Variants in NR3C2 observed in about 807,000 individuals in gnomAD.
NR3C2 encodes the protein nuclear receptor subfamily 3 group C member 2.
NR3C2 carries 15 observed loss-of-function variants against 86.4 expected under a neutral mutation model. That is an observed-to-expected ratio of 0.17 (90% confidence interval 0.12 to 0.27). NR3C2 has a LOEUF of 0.27. Among genes scored for constraint, NR3C2 ranks in the 10% least tolerant of loss-of-function variants. The pLI is 1.00. For synonymous variants in NR3C2, 458 were observed against 450.5 expected (o/e 1.02, Z -0.21); for missense variants, 960 against 1,195.6 (o/e 0.80, Z 2.91).
At chr4:148,107,930 G>A (rs920651510) in intron 8 of NR3C2, among the ~76,000 whole-genome samples, 1 of 152,080 alleles carries the variant, frequency 6.6e-6, no homozygotes, top group Non-Finnish European at 1.5e-5. Context: ...GGGTTGATAG[G>A]TGCAGCAAAC....
intron 3 of NR3C2, among the ~76,000 whole-genome samples, chr4:148,216,926 C>A (rs988120183): frequency 1.3e-5 from 2 of 152,138 alleles, no homozygotes; most frequent in Admixed American, 1.3e-4. Context: ...AGATGGTGGC[C>A]AAAGTCTTTT....
At chr4:148,153,739 A>C (rs1354311866) in intron 5 of NR3C2, among the ~76,000 whole-genome samples, 1 of 152,080 alleles carries the variant, frequency 6.6e-6, no homozygotes, top group Non-Finnish European at 1.5e-5. Flanking sequence ...AAAAAAAATG[A>C]CTAAAATAGG....
At chr4:148,210,120 G>A (rs71616581) in intron 3 of NR3C2, among the ~76,000 whole-genome samples, 2,670 of 152,216 alleles carry the variant, frequency 0.018, 37 homozygotes, top group Non-Finnish European at 0.026. Context: ...TTTTGCTAAT[G>A]AGAATAAAGG....
chr4:148,239,299 C>T (rs1201553749), intron 3 of NR3C2, among the ~76,000 whole-genome samples: 2 of 152,156 alleles, frequency 1.3e-5, no homozygotes, highest in South Asian at 2.1e-4. Flanking sequence ...TCTCTTAAGG[C>T]CAGGGTCCCA....
At chr4:148,188,334 C>T (rs1736034742) in intron 4 of NR3C2, among the ~76,000 whole-genome samples, 1 of 152,130 alleles carries the variant, frequency 6.6e-6, no homozygotes, top group Admixed American at 6.5e-5. Context: ...AATATTGATT[C>T]TACCCAACCA....
At chr4:148,155,130 G>A (rs1734303364) in intron 4 of NR3C2, among the ~76,000 whole-genome samples, 1 of 152,056 alleles carries the variant, frequency 6.6e-6, no homozygotes, top group South Asian at 2.1e-4. Context: ...AGTCTTCACT[G>A]CCTGTCTCCT....
In NR3C2 at chr4:148,363,504, C is replaced by CTTTTTTTTTTTTTTTTTTTTTTTTTTT. The variant is rs1375693723; in HGVS notation, c.1757+71599_1757+71600insAAAAAAAAAAAAAAAAAAAAAAAAAAA. On this transcript the variant is annotated intron_variant, in intron 2 of 8. Coordinates refer to ENST00000358102, the MANE Select transcript of NR3C2 (RefSeq NM_000901.5). The stretch of plus-strand genomic sequence containing the variant: ...ATTAAAGTCTAGACTTCTCATAGAT[C>CTTTTTTTTTTTTTTTTTTTTTTTTTTT]TCTTTTTTTTTTTTTTTGAGACGGA... 2.3e-3 allele frequency among the ~76,000 whole-genome samples: 161 copies of CTTTTTTTTTTTTTTTTTTTTTTTTTTT among 69,672 alleles called. 47 individuals are homozygous for CTTTTTTTTTTTTTTTTTTTTTTTTTTT. Among genetic ancestry groups the CTTTTTTTTTTTTTTTTTTTTTTTTTTT allele is most frequent in the East Asian group, 7.1e-3 (11 of 1,550 alleles). 45.7% of individuals were successfully genotyped at this position (69,672 alleles called of 152,430 possible). A position where few individuals can be genotyped will look rare whatever the true frequency, so the allele number is the denominator to read the frequency against.
intron 2 of NR3C2, among the ~76,000 whole-genome samples, chr4:148,404,513 A>G (rs1358514319): frequency 1.3e-5 from 2 of 152,116 alleles, no homozygotes; most frequent in Non-Finnish European, 2.9e-5. Flanking sequence ...GTGCACAAAA[A>G]TGCAAACAAA....
chr4:148,221,269 T>C lies in NR3C2; in HGVS notation c.1898-26407A>G, dbSNP rs575881930. Among the ~76,000 whole-genome samples, 15 of 152,358 alleles carry C rather than the reference T, an allele frequency of 9.8e-5. No homozygotes were observed. In the South Asian group the frequency reaches 3.1e-3, roughly 32 times the overall value. ...AACCTATCAATAATTTATTTATGAA[T>C]ATATCTGTTAAATCTCAGGATTTCC... On this transcript the variant is annotated intron_variant, in intron 3 of 8. Transcript: ENST00000358102.
chr4:148,192,473 G>A (rs974080476), intron 4 of NR3C2, among the ~76,000 whole-genome samples: 6 of 152,214 alleles, frequency 3.9e-5, no homozygotes, highest in African/African-American at 1.4e-4. Context: ...CCAGGAAGTG[G>A]CAATTTCCAG....
At chr4:148,134,821 G>C (rs1361171446) in intron 6 of NR3C2, among the ~76,000 whole-genome samples, 1 of 149,102 alleles carries the variant, frequency 6.7e-6, no homozygotes, top group Non-Finnish European at 1.5e-5. Flanking sequence ...GCTAATTTTT[G>C]TATTTTTTTT....
chr4:148,387,632 G>T (rs1289332135), intron 2 of NR3C2, among the ~76,000 whole-genome samples: 3 of 152,146 alleles, frequency 2.0e-5, no homozygotes, highest in African/African-American at 7.2e-5. Flanking sequence ...AAGGGAGGGG[G>T]TTCTGGAGGC....
At chr4:148,390,552 C>A (rs772298093) in intron 2 of NR3C2, among the ~76,000 whole-genome samples, 3 of 152,138 alleles carry the variant, frequency 2.0e-5, no homozygotes, top group Non-Finnish European at 4.4e-5. Flanking sequence ...AGACAGTACA[C>A]TACGGGCACT....
upstream of NR3C2, chr4:148,442,982 G>A (rs1207456353): frequency 1.0e-6 from 1 of 985,116 alleles, no homozygotes; most frequent in East Asian, 1.1e-4. Context: ...CCCAGACCCT[G>A]GCGCCGCCCA....
chr4:148,311,743 A>G (rs1358232174), intron 2 of NR3C2, among the ~76,000 whole-genome samples: 1 of 152,228 alleles, frequency 6.6e-6, no homozygotes, highest in Non-Finnish European at 1.5e-5. Flanking sequence ...AAAAGGCCCT[A>G]TTAATCACCT....
chr4:148,431,491 A>C (rs1011067690), intron 2 of NR3C2, among the ~76,000 whole-genome samples: 1 of 152,212 alleles, frequency 6.6e-6, no homozygotes, highest in Non-Finnish European at 1.5e-5. Flanking sequence ...TTGATGTCCA[A>C]GCAGACAGGG....
At chr4:148,164,038 G>A (rs1734779023) in intron 4 of NR3C2, among the ~76,000 whole-genome samples, 1 of 152,158 alleles carries the variant, frequency 6.6e-6, no homozygotes, top group South Asian at 2.1e-4. Flanking sequence ...TTATCTATAA[G>A]GTCACCACTG....
At chr4:148,247,038 A>G (rs1050260507) in intron 3 of NR3C2, among the ~76,000 whole-genome samples, 2 of 152,204 alleles carry the variant, frequency 1.3e-5, no homozygotes, top group Non-Finnish European at 1.5e-5. Flanking sequence ...CATCTTTGAT[A>G]GTTAAAAAAA....
rs2149909094 is a variant in NR3C2 at position 148,291,861 on chromosome 4, G to A, written c.1758-31744C>T. ...CAAACCTACTGAACATTATAGCTTA[G>A]CCTAGGCTACCTTAAATATGCTCAG... On this transcript the variant is annotated intron_variant, in intron 2 of 8. Coordinates refer to ENST00000358102, the MANE Select transcript of NR3C2 (RefSeq NM_000901.5). 2.0e-5 allele frequency among the ~76,000 whole-genome samples: 3 copies of A among 152,214 alleles called. No individual in the cohort carries two copies. The South Asian group carries it at 6.2e-4, about 32-fold the overall frequency.
Sources: allele counts gnomAD v4.1 joint callset (sites outside exome capture counted in the v4.1 genomes callset), GRCh38; gene constraint gnomAD v4.1.1; transcripts MANE v1.5; gene names NCBI Gene and HGNC (gene_info 2026-07-23, HGNC 2026-07-21).